Variants in BCKDHB observed in about 807,000 individuals in gnomAD.
BCKDHB encodes branched chain keto acid dehydrogenase E1 subunit beta.
BCKDHB carries 41 observed loss-of-function variants against 48.5 expected under a neutral mutation model. That is an observed-to-expected ratio of 0.85 (90% CI 0.66 to 1.10). BCKDHB has a LOEUF of 1.10. BCKDHB is among the 50% of genes least tolerant of loss of function. The probability of loss-of-function intolerance (pLI) is 0.00; values close to 1 mark genes in which losing one functional copy is unlikely to be tolerated. For synonymous variants in BCKDHB, 201 were observed against 174.8 expected, an observed-to-expected ratio of 1.15 and a Z score of -1.18; for missense variants, 496 against 494.2, an observed-to-expected ratio of 1.00 and a Z score of -0.03.
chr6:80,220,421 T>TC (rs1775385868), intron 8 of BCKDHB, among the ~76,000 whole-genome samples: 2 of 147,366 alleles, frequency 1.4e-5, no homozygotes, highest in Non-Finnish European at 3.0e-5. Context: ...TTTTTTTTTT[T>TC]TTGGTCATAG....
chr6:80,316,145 G>A (rs1364078216), intron 9 of BCKDHB, among the ~76,000 whole-genome samples: 2 of 152,146 alleles, frequency 1.3e-5, no homozygotes, highest in Non-Finnish European at 2.9e-5. Context: ...GCTTCATTAG[G>A]CAGTACAGTG....
At chr6:80,226,433 G>A (rs1775679825) in intron 8 of BCKDHB, among the ~76,000 whole-genome samples, 1 of 152,124 alleles carries the variant, frequency 6.6e-6, no homozygotes, top group Non-Finnish European at 1.5e-5. Context: ...TTGTCTTGTT[G>A]GACTGAAGCC....
At chr6:80,455,039 C>T in the BCKDHB span, among the ~76,000 whole-genome samples, 1 of 152,142 alleles carries the variant, frequency 6.6e-6, no homozygotes, top group African/African-American at 2.4e-5. Context: ...CTATTTTACA[C>T]AGAGACCATT....
downstream of BCKDHB, among the ~76,000 whole-genome samples, chr6:80,349,277 A>G (rs1770327496): frequency 1.3e-5 from 2 of 152,212 alleles, no homozygotes; most frequent in Admixed American, 6.5e-5. Flanking sequence ...AAAGCAGCAT[A>G]TGTGTCTTCC....
At chr6:80,122,420 G>A (rs576515800) in intron 1 of BCKDHB, among the ~76,000 whole-genome samples, 1 of 152,288 alleles carries the variant, frequency 6.6e-6, no homozygotes, top group Non-Finnish European at 1.5e-5. Flanking sequence ...GTTCCAGAAG[G>A]TGTCGGGGGA....
chr6:80,181,306 TATTATA>T (rs1773401741), intron 6 of BCKDHB, among the ~76,000 whole-genome samples: 1 of 152,206 alleles, frequency 6.6e-6, no homozygotes, highest in South Asian at 2.1e-4. Flanking sequence ...TTGTACACAA[TATTATA>T]ATTAAGGCAT....
At chr6:80,446,367 T>C in the BCKDHB span, among the ~76,000 whole-genome samples, 1 of 152,212 alleles carries the variant, frequency 6.6e-6, no homozygotes, top group Non-Finnish European at 1.5e-5. Flanking sequence ...ATTGGACTGC[T>C]CCAGCACATC....
chr6:80,168,530 AAAGG>A (rs1452882932), intron 4 of BCKDHB, among the ~76,000 whole-genome samples: 41 of 128,436 alleles, frequency 3.2e-4, no homozygotes, highest in East Asian at 7.6e-4. Context: ...GTGCTATGGG[AAAGG>A]AAGGAAGGAA....
chr6:80,284,751 T>C (rs1766545293), intron 9 of BCKDHB, among the ~76,000 whole-genome samples: 1 of 152,158 alleles, frequency 6.6e-6, no homozygotes, highest in Non-Finnish European at 1.5e-5. Context: ...TCATCCACAT[T>C]TGTAATTGTG....
At chr6:80,279,032 C>T (rs1436735783) in intron 9 of BCKDHB, among the ~76,000 whole-genome samples, 2 of 152,180 alleles carry the variant, frequency 1.3e-5, no homozygotes, top group Non-Finnish European at 2.9e-5. Context: ...TAGGCATATG[C>T]ACATGGTTAT....
At chr6:80,161,263 A>G (rs1257664621) in intron 3 of BCKDHB, among the ~76,000 whole-genome samples, 1 of 150,394 alleles carries the variant, frequency 6.6e-6, no homozygotes, top group Non-Finnish European at 1.5e-5. Flanking sequence ...AATGACTTAA[A>G]TTATTATATA....
intron 6 of BCKDHB, among the ~76,000 whole-genome samples, chr6:80,190,095 G>A (rs1042613947): frequency 6.6e-6 from 1 of 152,066 alleles, no homozygotes; most frequent in Non-Finnish European, 1.5e-5. Context: ...GGCAGATGGT[G>A]GATGATAAGT....
At chr6:80,115,931 G>C (rs951286201) in intron 1 of BCKDHB, among the ~76,000 whole-genome samples, 1 of 152,150 alleles carries the variant, frequency 6.6e-6, no homozygotes, top group African/African-American at 2.4e-5. Flanking sequence ...AGGATGTGCT[G>C]TAACACACAG....
intron 9 of BCKDHB, among the ~76,000 whole-genome samples, chr6:80,297,368 C>T (rs371617749): frequency 1.3e-5 from 2 of 152,258 alleles, no homozygotes; most frequent in East Asian, 3.9e-4. Context: ...AATGACATTA[C>T]ACATTTTACT....
chr6:80,120,844 C>T (rs188008185), intron 1 of BCKDHB, among the ~76,000 whole-genome samples: 95 of 152,110 alleles, frequency 6.2e-4, no homozygotes, highest in African/African-American at 1.7e-3. Context: ...TTTATTTTGC[C>T]GTGCAGAAGC....
intron 3 of BCKDHB, among the ~76,000 whole-genome samples, chr6:80,143,565 C>A (rs1771326145): frequency 6.6e-6 from 1 of 152,090 alleles, no homozygotes; most frequent in Admixed American, 6.6e-5. Flanking sequence ...TTTTCTGTTC[C>A]CATTTAACAT....
At chr6:80,354,541 T>C in the BCKDHB span, among the ~76,000 whole-genome samples, 1 of 152,220 alleles carries the variant, frequency 6.6e-6, no homozygotes, top group Non-Finnish European at 1.5e-5. Flanking sequence ...ATTTTTTTGT[T>C]GTTATTGCTT....
the BCKDHB span, among the ~76,000 whole-genome samples, chr6:80,430,483 C>T: frequency 3.3e-5 from 5 of 152,078 alleles, no homozygotes; most frequent in Admixed American, 6.5e-5. Flanking sequence ...GCTGTGAATC[C>T]TTCTGGTCCT....
At chr6:80,107,644 C>T (rs528068981) in intron 1 of BCKDHB, among the ~76,000 whole-genome samples, 1 of 149,974 alleles carries the variant, frequency 6.7e-6, no homozygotes, top group East Asian at 2.0e-4. Context: ...TTCCCAAGGT[C>T]ACAGAACAGG....
Sources: allele counts gnomAD v4.1 joint callset (sites outside exome capture counted in the v4.1 genomes callset), GRCh38; gene constraint gnomAD v4.1.1; transcripts MANE v1.5; gene names NCBI Gene and HGNC (gene_info 2026-07-23, HGNC 2026-07-21).